PRIMPOL: variants seen among roughly 807,000 people sequenced by gnomAD.
PRIMPOL encodes primase and DNA directed polymerase.
In PRIMPOL, 54 loss-of-function variants were observed where a neutral mutation model predicts 63.6. That is an observed-to-expected ratio of 0.85 (90% CI 0.68 to 1.07). The LOEUF (loss-of-function observed/expected upper bound fraction) is 1.07, where lower values mean the gene tolerates loss of function less well. Among genes scored for constraint, PRIMPOL ranks in the 50% least tolerant of loss-of-function variants. The pLI, the probability that PRIMPOL is intolerant of heterozygous loss-of-function variation, is 0.00. For synonymous variants in PRIMPOL, 197 were observed against 220.2 expected, an observed-to-expected ratio of 0.89 and a Z score of 0.93; for missense variants, 610 against 648.3, an observed-to-expected ratio of 0.94 and a Z score of 0.64.
In PRIMPOL at chr4:184,685,636, A is replaced by C; in HGVS notation, c.1247A>C (p.Tyr416Ser). The change falls in exon 11 of 14, where the codon TAT becomes TCT. Residue 416 changes from tyrosine (Y) to serine (S), a missense_variant. Coordinates refer to ENST00000314970, the MANE Select transcript of PRIMPOL (RefSeq NM_152683.4). ...EELLVYDICK[Y>S]RWCENIGRAH... ...TTACTGGTTTATGATATTTGTAAAT[A>C]TCGGTGGTGTGAAAACATTGGAAGA... 6.2e-7 allele frequency: 1 copy of C among 1,611,926 alleles called. No individual in the cohort carries two copies. The highest frequency in any genetic ancestry group is 8.5e-7 in the Non-Finnish European group (1 of 1,178,196).
At chr4:184,692,344 T>TGC (rs1387842215) in intron 13 of PRIMPOL, among the ~76,000 whole-genome samples, 1 of 151,436 alleles carries the variant, frequency 6.6e-6, no homozygotes, top group Admixed American at 6.6e-5. Context: ...TGTGGTGGCC[T>TGC]ATGCCTATAA....
intron 2 of PRIMPOL, among the ~76,000 whole-genome samples, chr4:184,652,500 A>G (rs978526646): frequency 2.0e-5 from 3 of 152,182 alleles, no homozygotes; most frequent in African/African-American, 7.2e-5. Context: ...GCTCAAGCAT[A>G]GAAAGGCAAA....
At chr4:184,663,287 C>T (rs9995633) in intron 5 of PRIMPOL, among the ~76,000 whole-genome samples, 27,214 of 151,968 alleles carry the variant, frequency 0.18, 3,105 homozygotes, top group African/African-American at 0.32. Flanking sequence ...TCAAGTGATA[C>T]ACCCATCTCC....
chr4:184,685,324 G>A (rs1756720659), intron 9 of PRIMPOL, 85 bp from the exon 10 acceptor site: 5 of 996,808 alleles, frequency 5.0e-6, no homozygotes, highest in South Asian at 2.7e-5. Flanking sequence ...TGCAAAACCC[G>A]TAATTGTGCT....
rs371049258 is a variant in PRIMPOL at position 184,657,099 on chromosome 4, A to T, written c.-42A>T. On this transcript the variant is annotated 5_prime_UTR_variant, in exon 3 of 14. Coordinates refer to ENST00000314970, the MANE Select transcript of PRIMPOL (RefSeq NM_152683.4). ...TGTTTTAGTAGTAATTGATAGAAATATTACGTGGGATAGGATTTATTCTCT... is the reference window on the plus strand; with the variant it reads ...TGTTTTAGTAGTAATTGATAGAAATTTTACGTGGGATAGGATTTATTCTCT... 1.1e-4 allele frequency: 149 copies of T among 1,383,630 alleles called. No homozygotes were observed. Among genetic ancestry groups the T allele is most frequent in the Admixed American group, 8.0e-4 (31 of 38,562 alleles). The allele number at this position is 1,383,630 out of a possible 1,614,324, so 85.7% of individuals were successfully genotyped here. A position where few individuals can be genotyped will look rare whatever the true frequency, so the allele number is the denominator to read the frequency against.
At chr4:184,662,708 C>T (rs1748697387) in intron 5 of PRIMPOL, among the ~76,000 whole-genome samples, 1 of 151,532 alleles carries the variant, frequency 6.6e-6, no homozygotes, top group Admixed American at 6.6e-5. Flanking sequence ...TATAGATTAC[C>T]CATTTTATAA....
Position 184,678,370 on chromosome 4 carries a change from T to A in PRIMPOL, c.983T>A (p.Leu328His). The change falls in exon 8 of 14, where the codon CTC (leucine) becomes CAC (histidine). Residue 328 changes from leucine to histidine, a missense_variant. By Grantham distance (99) the Leu-to-His change is moderately conservative. Transcript: ENST00000314970. ...GTTTCTGACGAATATCAATATTTTC[T>A]CTCTTCTTTGGTCAGCAATGTCAGG... ...KDVSDEYQYF[L>H]SSLVSNVRFS... 1 of 1,606,390 alleles carries A rather than the reference T, an allele frequency of 6.2e-7. No individual in the cohort carries two copies. Among genetic ancestry groups the A allele is most frequent in the South Asian group, 1.1e-5 (1 of 88,806 alleles).
At position 184,672,834 on chromosome 4, in the gene PRIMPOL, C is replaced by T. The variant is rs138320833; in HGVS notation, c.844+374C>T. Among the ~76,000 whole-genome samples, 185 of 152,220 alleles carry T rather than the reference C, an allele frequency of 1.2e-3. 1 individual carries two copies. The East Asian group carries it at 0.013, about 11-fold the overall frequency. On this transcript the variant is annotated intron_variant, in intron 7 of 13. Transcript: ENST00000314970. ...CGGTATAAAAGCAGTACTCGTGTGG[C>T]GCGGTGAGCCTGGGTGTTCTCCTCA...
intron 4 of PRIMPOL, among the ~76,000 whole-genome samples, chr4:184,660,029 C>G (rs1025734590): frequency 2.0e-5 from 3 of 151,684 alleles, no homozygotes; most frequent in South Asian, 2.1e-4. Flanking sequence ...CCATGTTGAC[C>G]AGGCTGATCT....
At chr4:184,657,523 T>G in intron 3 of PRIMPOL, 1 of 474,448 alleles carries the variant, frequency 2.1e-6, no homozygotes, top group Non-Finnish European at 3.7e-6. Context: ...CATTAACCAT[T>G]TAATTTATAT....
chr4:184,672,204 T>C lies in PRIMPOL; in HGVS notation c.588T>C (p.Ala196=), dbSNP rs1751973442. ...GNFLRKILQP[A]LDLLGSEDDD... ...TTTTGAGAAAAATTTTGCAGCCTGC[T>C]CTTGACTTGCTTGGCAGTGAAGATG... The change falls in exon 7 of 14, where the codon GCT becomes GCC. Residue 196 remains alanine (A), a synonymous_variant. Transcript: ENST00000314970. 1.9e-6 allele frequency: 3 copies of C among 1,610,958 alleles called. No individual in the cohort carries two copies. The highest frequency in any genetic ancestry group is 3.4e-5 in the Admixed American group (2 of 59,208).
intron 6 of PRIMPOL, among the ~76,000 whole-genome samples, chr4:184,670,690 G>T (rs1289668571): frequency 3.9e-5 from 6 of 151,952 alleles, no homozygotes; most frequent in Non-Finnish European, 8.8e-5. Flanking sequence ...TGGGATTACA[G>T]GTGCCCAGCA....
At chr4:184,675,363 A>G (rs1267660961) in intron 7 of PRIMPOL, among the ~76,000 whole-genome samples, 1 of 152,234 alleles carries the variant, frequency 6.6e-6, no homozygotes, top group Non-Finnish European at 1.5e-5. Context: ...ATGACAGTAA[A>G]TGATAACTTA....
chr4:184,669,871 T>G (rs1214754405), intron 6 of PRIMPOL, among the ~76,000 whole-genome samples: 3 of 152,178 alleles, frequency 2.0e-5, no homozygotes, highest in Non-Finnish European at 4.4e-5. Flanking sequence ...GAATATGAAG[T>G]AATTCAGAAT....
chr4:184,685,484 A>G lies in PRIMPOL; in HGVS notation c.1172A>G (p.Asp391Gly), dbSNP rs935519716. The change falls in exon 10 of 14, where the codon GAT becomes GGT. Residue 391 changes from aspartate to glycine, a missense_variant. Physicochemically the swap from Asp to Gly is moderately conservative, Grantham distance 94 (BLOSUM62 -1). This residue lies in a region of PRIMPOL where 444 missense variants were observed against 456.4 expected (regional missense o/e 0.97). Transcript: ENST00000314970. ...TTTGTTCTTTCTTTGGTGAATAAAG[A>G]TGGCATTAAAGGAGGTAAAGTTAAT... ...DHFVLSLVNK[D>G]GIKGGIRRWN... The G allele has an allele frequency of 1.2e-5, 19 of 1,610,978 alleles. 1 individual carries two copies. In the Middle Eastern group the frequency reaches 1.2e-3, roughly 98 times the overall value.
Position 184,660,640 on chromosome 4 carries a change from G to A in PRIMPOL, c.279-1134G>A, listed in dbSNP as rs2150050017. 2.6e-5 allele frequency among the ~76,000 whole-genome samples: 4 copies of A among 152,348 alleles called. No individual in the cohort carries two copies. In the Middle Eastern group the frequency reaches 0.01, roughly 389 times the overall value. ...GTTGATATACATGCAACACCAGTTA[G>A]AGTTGAATGAAAATCATTAAGACAA... On this transcript the variant is annotated intron_variant, in intron 4 of 13. Coordinates refer to ENST00000314970, the MANE Select transcript of PRIMPOL (RefSeq NM_152683.4).
chr4:184,678,579 G>A (rs1754731687), intron 8 of PRIMPOL, among the ~76,000 whole-genome samples, 185 bp downstream of exon 8: 1 of 145,564 alleles, frequency 6.9e-6, no homozygotes, highest in African/African-American at 2.6e-5. Context: ...CCAGACTGGA[G>A]TGCAGTGGCG....
chr4:184,653,124 A>G (rs1745205825), intron 2 of PRIMPOL, among the ~76,000 whole-genome samples: 1 of 152,042 alleles, frequency 6.6e-6, no homozygotes. Context: ...GAAGGTAGGT[A>G]GGTGAGAAAG....
intron 2 of PRIMPOL, among the ~76,000 whole-genome samples, chr4:184,654,453 G>GTTTTTTTTTTTTTTT (rs1553985960): frequency 1.8e-4 from 6 of 33,540 alleles, no homozygotes; most frequent in East Asian, 2.9e-3. Context: ...AGTTAAAGCA[G>GTTTTTTTTTTTTTTT]TTTTTTTTTT....
Sources: allele counts gnomAD v4.1 joint callset (sites outside exome capture counted in the v4.1 genomes callset), GRCh38; gene constraint gnomAD v4.1.1; regional missense constraint gnomAD v4.1.1; transcripts MANE v1.5; gene names NCBI Gene and HGNC (gene_info 2026-07-23, HGNC 2026-07-21).